The following ZFR variants were observed in gnomAD, a reference collection of about 807,000 sequenced individuals.
The protein encoded by ZFR is zinc finger RNA-binding protein.
ZFR carries 19 observed loss-of-function variants against 130.7 expected under a neutral mutation model. The observed-to-expected ratio is 0.15, with a 90% CI of 0.10 to 0.21. ZFR has a LOEUF of 0.21. ZFR is among the 10% of genes least tolerant of loss of function. The probability of loss-of-function intolerance (pLI) is 1.00; values close to 1 mark genes in which losing one functional copy is unlikely to be tolerated. For missense variants in ZFR, 872 were observed against 1,321.5 expected, an observed-to-expected ratio of 0.66 and a Z score of 5.27; for synonymous variants, 466 against 456.9, an observed-to-expected ratio of 1.02 and a Z score of -0.25.
At chr5:32,383,772 A>G (rs76653127) in intron 15 of ZFR, 6,091 of 456,702 alleles carry the variant, frequency 0.013, 53 homozygotes, top group Non-Finnish European at 0.02. Context: ...GTTATTCTGC[A>G]GCAAGAAAGA....
intron 5 of ZFR, 118 bp downstream of exon 5, chr5:32,414,851 A>G: frequency 1.1e-6 from 1 of 891,424 alleles, no homozygotes; most frequent in South Asian, 1.7e-5. Flanking sequence ...ATTTATGTCT[A>G]TCAATTAATT....
intron 19 of ZFR, among the ~76,000 whole-genome samples, chr5:32,363,224 T>C (rs1378649820): frequency 1.3e-5 from 2 of 152,220 alleles, no homozygotes; most frequent in Non-Finnish European, 2.9e-5. Flanking sequence ...TATGCTTTTT[T>C]CCCCTACTCA....
chr5:32,443,645 A>G (rs957510626), intron 2 of ZFR, among the ~76,000 whole-genome samples: 3 of 152,254 alleles, frequency 2.0e-5, no homozygotes, highest in Non-Finnish European at 4.4e-5. Context: ...TGTCAGCAGG[A>G]CTCGCTAGCG....
At chr5:32,368,959 C>A (rs1752603595) in intron 17 of ZFR, among the ~76,000 whole-genome samples, 1 of 127,564 alleles carries the variant, frequency 7.8e-6, no homozygotes, top group African/African-American at 2.7e-5. Flanking sequence ...TCACTATTGA[C>A]ACATGCACAA....
At chr5:32,407,531 C>G (rs752230946) in intron 5 of ZFR, among the ~76,000 whole-genome samples, 11 of 151,772 alleles carry the variant, frequency 7.2e-5, no homozygotes, top group Non-Finnish European at 1.5e-4. Context: ...AAATCTGGAG[C>G]CCCAGTGATC....
At chr5:32,444,498 A>G in intron 1 of ZFR, 124 bp downstream of exon 1, 5 of 1,308,208 alleles carry the variant, frequency 3.8e-6, no homozygotes, top group Non-Finnish European at 5.0e-6. Context: ...TCCCTCACTC[A>G]CTCGCACGCC....
intron 2 of ZFR, among the ~76,000 whole-genome samples, chr5:32,427,407 A>G (rs1334902305): frequency 6.6e-6 from 1 of 151,612 alleles, no homozygotes; most frequent in African/African-American, 2.4e-5. Flanking sequence ...GGAAAAGAAA[A>G]GAAAACAACC....
Position 32,391,096 on chromosome 5 carries a change from A to G in ZFR, c.1980-659T>C, listed in dbSNP as rs556838496. ...AGAAAAGAACGTTCCAGAAAGAAAC[A>G]ATTCGTAAGTTTTAAATCTTGTGCA... On this transcript the variant is annotated intron_variant, in intron 11 of 19. Transcript: ENST00000265069. Among the ~76,000 whole-genome samples, 27 of 152,318 alleles carry G rather than the reference A, an allele frequency of 1.8e-4. No homozygotes were observed. In the South Asian group the frequency reaches 4.8e-3, roughly 27 times the overall value.
At chr5:32,379,881 C>T in intron 16 of ZFR, 194 bp downstream of exon 16, 1 of 453,840 alleles carries the variant, frequency 2.2e-6, no homozygotes. Flanking sequence ...AACCTAAGTT[C>T]ATTGTCAAAT....
At chr5:32,360,078 A>G (rs1320900766) in intron 19 of ZFR, among the ~76,000 whole-genome samples, 1 of 152,198 alleles carries the variant, frequency 6.6e-6, no homozygotes, top group Admixed American at 6.5e-5. Context: ...TCTTGAAACT[A>G]GGGGGACTTC....
chr5:32,378,084 GT>G (rs1221445009), intron 17 of ZFR, among the ~76,000 whole-genome samples: 2 of 152,120 alleles, frequency 1.3e-5, no homozygotes, highest in African/African-American at 4.8e-5. Flanking sequence ...TAGTCTAATA[GT>G]TTTTTTGAAA....
intron 8 of ZFR, among the ~76,000 whole-genome samples, chr5:32,401,105 A>C (rs1753438748): frequency 6.6e-6 from 1 of 152,238 alleles, no homozygotes; most frequent in Non-Finnish European, 1.5e-5. Context: ...AATAGCTTTC[A>C]TTTTTATCAT....
chr5:32,402,964 C>T lies in ZFR; in HGVS notation c.1516+142G>A, dbSNP rs189347886. Reference sequence around the variant, plus strand: ...AATAAAAATTAAAAATACACACACACTAGGCAGATATGTGAAGAAACAAGG... The same window carrying T: ...AATAAAAATTAAAAATACACACACATTAGGCAGATATGTGAAGAAACAAGG... On this transcript the variant is annotated intron_variant, in intron 8 of 19. Coordinates refer to ENST00000265069, the MANE Select transcript of ZFR (RefSeq NM_016107.5). The T allele has an allele frequency of 1.5e-5, 11 of 745,606 alleles. No individual in the cohort carries two copies. The Admixed American group carries it at 1.7e-4, about 12-fold the overall frequency. 46.2% of individuals were successfully genotyped at this position (745,606 alleles called of 1,614,324 possible).
At chr5:32,410,666 T>A (rs779871468) in intron 5 of ZFR, among the ~76,000 whole-genome samples, 71 of 152,126 alleles carry the variant, frequency 4.7e-4, no homozygotes, top group Non-Finnish European at 8.5e-4. Context: ...AGCTTTTAAA[T>A]GTATGATACC....
rs190265831 is a variant in ZFR at position 32,391,495 on chromosome 5, C to T, written c.1980-1058G>A. On this transcript the variant is annotated intron_variant, in intron 11 of 19. Coordinates refer to ENST00000265069, the MANE Select transcript of ZFR (RefSeq NM_016107.5). The stretch of plus-strand genomic sequence containing the variant: ...GTGGGCAGCTAGTGTACAGCCTCTG[C>T]TTTACTGACCAACATATGCGAAATC... Among the ~76,000 whole-genome samples, 3 of 149,572 alleles carry T rather than the reference C, an allele frequency of 2.0e-5. No homozygotes were observed. In the East Asian group the frequency reaches 5.9e-4, roughly 30 times the overall value.
chr5:32,403,988 T>C lies in ZFR; in HGVS notation c.1142A>G (p.Gln381Arg). 1 of 1,614,150 alleles carries C rather than the reference T, an allele frequency of 6.2e-7. No individual in the cohort carries two copies. The highest frequency in any genetic ancestry group is 8.5e-7 in the Non-Finnish European group (1 of 1,180,002). The change falls in exon 7 of 20, where the codon CAG becomes CGG. Residue 381 changes from glutamine (Q) to arginine (R), a missense_variant. By Grantham distance (43) the Gln-to-Arg change is conservative. This residue lies in a region of ZFR where 31 missense variants were observed against 21.8 expected (regional missense o/e 1.42). Coordinates refer to ENST00000265069, the MANE Select transcript of ZFR (RefSeq NM_016107.5). ...SNSSTRGTQN[Q>R]LRCELCDVSC... Reference sequence around the variant, plus strand: ...CACATCGCAGAGCTCACAACGTAGCTGATTTTGAGTCCCACGAGTAGAACT... The same window carrying C: ...CACATCGCAGAGCTCACAACGTAGCCGATTTTGAGTCCCACGAGTAGAACT...
At chr5:32,416,776 T>C (rs756555472) in intron 4 of ZFR, among the ~76,000 whole-genome samples, 4 of 152,114 alleles carry the variant, frequency 2.6e-5, no homozygotes, top group South Asian at 4.1e-4. Flanking sequence ...AGAACAGAGA[T>C]AAGAGAGGTA....
At chr5:32,397,801 T>C (rs1191043742) in intron 9 of ZFR, among the ~76,000 whole-genome samples, 2 of 149,580 alleles carry the variant, frequency 1.3e-5, no homozygotes, top group South Asian at 2.1e-4. Flanking sequence ...GAATGAAAAG[T>C]TGGAATTTTA....
Position 32,403,458 on chromosome 5 carries a change from TG to T in ZFR, c.1225-62del, listed in dbSNP as rs1753513213. 6.5e-6 allele frequency: 10 copies of T among 1,532,376 alleles called. No individual in the cohort carries two copies. The Admixed American group carries it at 1.9e-4, about 29-fold the overall frequency. 94.9% of individuals were successfully genotyped at this position (1,532,376 alleles called of 1,614,324 possible). A position where few individuals can be genotyped will look rare whatever the true frequency, so the allele number is the denominator to read the frequency against. ...TCAAATAGATTTTGAAAAGTCTGCC[TG>T]GAACATTATAAAATGAAAATCTAAA... On this transcript the variant is annotated intron_variant, in intron 7 of 19. Transcript: ENST00000265069.
Sources: gnomAD v4.1 joint callset for allele counts (sites outside exome capture counted in the v4.1 genomes callset) on GRCh38, gnomAD v4.1.1 for gene constraint, gnomAD v4.1.1 regional missense constraint, MANE v1.5 for transcripts, NCBI Gene and HGNC (gene_info 2026-07-23, HGNC 2026-07-21) for gene names.